The following ASPH variants were observed in gnomAD, a reference collection of about 807,000 sequenced individuals.
The protein encoded by ASPH is aspartyl/asparaginyl beta-hydroxylase.
In ASPH, 100 loss-of-function variants were observed where a neutral mutation model predicts 118.4. The observed-to-expected ratio is 0.84, with a 90% CI of 0.72 to 1.00. The LOEUF is 1.00. ASPH is among the 50% of genes least tolerant of loss of function. The pLI is 0.00. For missense variants in ASPH, 920 were observed against 919.5 expected (o/e 1.00, Z -0.01); for synonymous variants, 315 against 325.6 (o/e 0.97, Z 0.35).
intron 24 of ASPH, among the ~76,000 whole-genome samples, chr8:61,507,997 C>T (rs1004813747): frequency 2.0e-5 from 3 of 152,122 alleles, no homozygotes; most frequent in Non-Finnish European, 4.4e-5. Flanking sequence ...CTTCCTCTCT[C>T]TCTTTCTCTC....
intron 14 of ASPH, 36 bp downstream of exon 14, chr8:61,618,942 T>A (rs1325179760): frequency 1.3e-6 from 2 of 1,521,332 alleles, no homozygotes; most frequent in Non-Finnish European, 9.1e-7. Context: ...CTTTTCCCCA[T>A]GTATATTTTA....
intron 1 of ASPH, among the ~76,000 whole-genome samples, chr8:61,690,090 T>G (rs1222717246): frequency 6.6e-6 from 1 of 152,224 alleles, no homozygotes; most frequent in Non-Finnish European, 1.5e-5. Flanking sequence ...TTAACGGCTT[T>G]AGCTTAAGCA....
In ASPH at chr8:61,512,188, C is replaced by G. The variant is rs141383714; in HGVS notation, c.2126+5340G>C. ...AATATTGTAGTGGGCTGAATGTCCCCATAAGCCGCCCTGTCCCCCTTCCCT... is the reference window on the plus strand; with the variant it reads ...AATATTGTAGTGGGCTGAATGTCCCGATAAGCCGCCCTGTCCCCCTTCCCT... On this transcript the variant is annotated intron_variant, in intron 24 of 24. Coordinates refer to ENST00000379454, the MANE Select transcript of ASPH (RefSeq NM_004318.4). Among the ~76,000 whole-genome samples, 895 of 152,292 alleles carry G rather than the reference C, an allele frequency of 5.9e-3. 15 individuals carry two copies. Among genetic ancestry groups the G allele is most frequent in the African/African-American group, 0.02 (842 of 41,556 alleles).
At chr8:61,600,822 G>A (rs1843755011) in intron 14 of ASPH, among the ~76,000 whole-genome samples, 1 of 151,200 alleles carries the variant, frequency 6.6e-6, no homozygotes, top group South Asian at 2.1e-4. Context: ...AAAAGTAAGA[G>A]CCAGCTATGT....
chr8:61,557,398 C>A lies in ASPH; in HGVS notation c.1438-1376G>T, dbSNP rs147714060. Among the ~76,000 whole-genome samples, 9 of 152,276 alleles carry A rather than the reference C, an allele frequency of 5.9e-5. No individual in the cohort carries two copies. The East Asian group carries it at 1.2e-3, about 20-fold the overall frequency. ...GCTGCTCCACAGCAAGCCAAAGATACCCCTGCCTCAGGGTCTTTGCATTCA... is the reference window on the plus strand; with the variant it reads ...GCTGCTCCACAGCAAGCCAAAGATAACCCTGCCTCAGGGTCTTTGCATTCA... On this transcript the variant is annotated intron_variant, in intron 18 of 24. Coordinates refer to ENST00000379454, the MANE Select transcript of ASPH (RefSeq NM_004318.4).
At chr8:61,590,931 C>T (rs1840930071) in intron 14 of ASPH, among the ~76,000 whole-genome samples, 1 of 152,124 alleles carries the variant, frequency 6.6e-6, no homozygotes, top group South Asian at 2.1e-4. Context: ...AATAATCTCT[C>T]CTATGGTCAT....
intron 21 of ASPH, among the ~76,000 whole-genome samples, chr8:61,531,683 A>G (rs1252977682): frequency 6.6e-6 from 1 of 151,644 alleles, no homozygotes; most frequent in African/African-American, 2.4e-5. Flanking sequence ...TCTTCAACCA[A>G]CATGTCCCCA....
chr8:61,690,696 A>C (rs148211859), intron 1 of ASPH, among the ~76,000 whole-genome samples: 158 of 152,284 alleles, frequency 1.0e-3, no homozygotes, highest in African/African-American at 3.6e-3. Context: ...ATAAGACTAA[A>C]TTTTTCACTC....
chr8:61,504,483 G>A (rs567622098), intron 24 of ASPH, among the ~76,000 whole-genome samples: 16 of 152,140 alleles, frequency 1.1e-4, no homozygotes, highest in South Asian at 2.1e-4. Context: ...TTTTCTGTGC[G>A]AAAACTAGTG....
intron 13 of ASPH, among the ~76,000 whole-genome samples, chr8:61,626,524 T>C (rs558776972): frequency 1.2e-4 from 18 of 152,176 alleles, no homozygotes; most frequent in African/African-American, 4.3e-4. Context: ...AAAACTGAAC[T>C]GAATAATCTC....
intron 1 of ASPH, among the ~76,000 whole-genome samples, chr8:61,713,140 A>G (rs546804584): frequency 2.6e-5 from 4 of 152,384 alleles, no homozygotes; most frequent in Middle Eastern, 3.4e-3. Flanking sequence ...CTTTACTTTT[A>G]GAATACAAAT....
intron 10 of ASPH, among the ~76,000 whole-genome samples, chr8:61,640,865 G>A (rs992674190): frequency 1.3e-5 from 2 of 152,186 alleles, no homozygotes; most frequent in East Asian, 3.8e-4. Flanking sequence ...GTAGAAGCTG[G>A]TTCCTACTAT....
chr8:61,608,339 T>C (rs1846211183), intron 14 of ASPH, among the ~76,000 whole-genome samples: 1 of 151,820 alleles, frequency 6.6e-6, no homozygotes, highest in Admixed American at 6.6e-5. Context: ...ATGAAAAGGG[T>C]CTCCGCCAAG....
At chr8:61,523,093 T>A (rs1813752178) in intron 22 of ASPH, among the ~76,000 whole-genome samples, 2 of 152,178 alleles carry the variant, frequency 1.3e-5, no homozygotes, top group Admixed American at 1.3e-4. Flanking sequence ...CGGCTAAATC[T>A]TTACTGAGCC....
rs184423569 is a variant in ASPH at position 61,527,027 on chromosome 8, G to A, written c.1765-915C>T. ...AATTTCAATCATTTCTGTGTTCTAT[G>A]AGAAATGGATGAAATAGTTGAGTAT... On this transcript the variant is annotated intron_variant, in intron 21 of 24. Transcript: ENST00000379454. Among the ~76,000 whole-genome samples the A allele has an allele frequency of 4.6e-4, 70 of 152,304 alleles. No individual in the cohort carries two copies. In the East Asian group the frequency reaches 0.011, roughly 24 times the overall value.
chr8:61,672,724 T>C (rs1823232955), intron 3 of ASPH, among the ~76,000 whole-genome samples: 1 of 152,196 alleles, frequency 6.6e-6, no homozygotes, highest in Non-Finnish European at 1.5e-5. Context: ...AACTCCTAAG[T>C]ATTACAGGGT....
At chr8:61,553,212 G>GA (rs1056776087) in intron 19 of ASPH, 92 bp from the exon 20 acceptor site, 64 of 1,026,160 alleles carry the variant, frequency 6.2e-5, no homozygotes, top group Middle Eastern at 2.2e-4. Context: ...CACATCGTAT[G>GA]AAAACCTAAA....
At chr8:61,658,440 TC>T (rs1441259739) in intron 3 of ASPH, 1 of 152,162 alleles carries the variant, frequency 6.6e-6, no homozygotes, top group African/African-American at 2.4e-5. Context: ...CACTTTAACA[TC>T]ATGAAAAATA....
chr8:61,544,120 A>G (rs1822950054), intron 21 of ASPH, among the ~76,000 whole-genome samples: 1 of 152,174 alleles, frequency 6.6e-6, no homozygotes, highest in Admixed American at 6.5e-5. Context: ...TCACTGCTCT[A>G]GTGTTTTGAG....
Sources: allele counts gnomAD v4.1 joint callset (sites outside exome capture counted in the v4.1 genomes callset), GRCh38; gene constraint gnomAD v4.1.1; transcripts MANE v1.5; gene names NCBI Gene and HGNC (gene_info 2026-07-23, HGNC 2026-07-21).